The following FAM234B variants were observed in gnomAD, a reference collection of about 807,000 sequenced individuals.
The protein encoded by FAM234B is protein FAM234B.
In FAM234B, 33 loss-of-function variants were observed where a neutral mutation model predicts 69.3. The ratio of observed to expected loss-of-function variants is 0.48; its 90% CI spans 0.36 to 0.64. The LOEUF (loss-of-function observed/expected upper bound fraction) is 0.64, where lower values mean the gene tolerates loss of function less well. FAM234B is among the 30% of genes least tolerant of loss of function. FAM234B has a pLI of 0.00. For synonymous variants in FAM234B, 306 were observed against 306.9 expected (o/e 1.00, Z 0.03); for missense variants, 697 against 769.7 (o/e 0.91, Z 1.12).
In FAM234B at chr12:13,071,469, G is replaced by C; in HGVS notation, c.1524+73G>C. 2.2e-6 allele frequency: 3 copies of C among 1,392,810 alleles called. No homozygotes were observed. The South Asian group carries it at 3.6e-5, about 17-fold the overall frequency. 86.3% of individuals were successfully genotyped at this position (1,392,810 alleles called of 1,614,324 possible). A position where few individuals can be genotyped will look rare whatever the true frequency, so the allele number is the denominator to read the frequency against. On this transcript the variant is annotated intron_variant, in intron 10 of 12. Transcript: ENST00000197268. ...TGCTGTGCAGGGCTGACTGTGTTCT[G>C]GAGATGTTATTTGACCCATCACTTT...
Position 13,080,649 on chromosome 12 carries a change from T to A in FAM234B, c.*19T>A. On this transcript the variant is annotated 3_prime_UTR_variant, in exon 13 of 13. Transcript: ENST00000197268. ...GATCTAATCTGATGGAATCTTCAGT[T>A]GCAGAAGAAGTGAACAGAGTGGATA... is the stretch of plus-strand genomic sequence containing the variant. The A allele has an allele frequency of 6.2e-7, 1 of 1,601,144 alleles. No homozygotes were observed. Among genetic ancestry groups the A allele is most frequent in the Non-Finnish European group, 8.6e-7 (1 of 1,168,228 alleles).
In FAM234B at chr12:13,068,695, G is replaced by T; in HGVS notation, c.1352G>T (p.Gly451Val). The change falls in exon 9 of 13, where the codon GGA (glycine) becomes GTA (valine). Residue 451 changes from glycine to valine, a missense_variant. Coordinates refer to ENST00000197268, the MANE Select transcript of FAM234B (RefSeq NM_020853.2). ...TLDFLLQIQD[G>V]VGMKKMMVVD... is the part of the protein sequence containing the mutation. Reference sequence around the variant, plus strand: ...GATTTCCTTCTGCAGATACAGGATGGAGTTGGGATGAAAAAGGTAAAACTT... The same window carrying T: ...GATTTCCTTCTGCAGATACAGGATGTAGTTGGGATGAAAAAGGTAAAACTT... The T allele has an allele frequency of 6.2e-7, 1 of 1,609,886 alleles. No homozygotes were observed. Among genetic ancestry groups the T allele is most frequent in the South Asian group, 1.1e-5 (1 of 90,906 alleles).
intron 5 of FAM234B, among the ~76,000 whole-genome samples, chr12:13,063,944 C>A (rs1865010838): frequency 6.6e-6 from 1 of 152,122 alleles, no homozygotes; most frequent in Non-Finnish European, 1.5e-5. Context: ...CTGTTGTGAT[C>A]TTTGTATTGC....
At position 13,055,568 on chromosome 12, in the gene FAM234B, C is replaced by T. The variant is rs555832380; in HGVS notation, c.55C>T (p.Leu19=). The T allele has an allele frequency of 2.1e-5, 33 of 1,605,836 alleles. 1 individual carries two copies. The South Asian group carries it at 3.5e-4, about 17-fold the overall frequency. ...ATTTTCAGGGAAGAAGAGCCCAGAC[C>T]TAGGGGAGTATGATCCACTTACCCA... ...LKLPGKKSPD[L]GEYDPLTQAD... The change falls in exon 2 of 13, where the codon CTA becomes TTA. Residue 19 remains leucine (L), a synonymous_variant. Transcript: ENST00000197268.
At chr12:13,072,167 G>A (rs147343646) in intron 10 of FAM234B, among the ~76,000 whole-genome samples, 2 of 152,280 alleles carry the variant, frequency 1.3e-5, no homozygotes, top group African/African-American at 2.4e-5. Flanking sequence ...GGAACCTGAC[G>A]GAGGCAGGAT....
At chr12:13,064,971 A>G (rs1397772450) in intron 5 of FAM234B, among the ~76,000 whole-genome samples, 2 of 152,108 alleles carry the variant, frequency 1.3e-5, no homozygotes, top group Non-Finnish European at 2.9e-5. Flanking sequence ...GACCTTGAAG[A>G]CCATTTGGTT....
rs1221307545 is a variant in FAM234B, at chr12:13,077,951, G to C, written c.1642+1808G>C. 2.0e-5 allele frequency among the ~76,000 whole-genome samples: 3 copies of C among 151,642 alleles called. No homozygotes were observed. The East Asian group carries it at 5.8e-4, about 29-fold the overall frequency. On this transcript the variant is annotated intron_variant, in intron 11 of 12. Coordinates refer to ENST00000197268, the MANE Select transcript of FAM234B (RefSeq NM_020853.2). ...ACCTGTTGTTTCCTGACTTTTTAAT[G>C]ATTGCCATTCTAACTGGTGTGAGAT...
intron 1 of FAM234B, among the ~76,000 whole-genome samples, chr12:13,054,028 G>C (rs1246505683): frequency 6.6e-6 from 1 of 152,122 alleles, no homozygotes; most frequent in Non-Finnish European, 1.5e-5. Context: ...CAGACCTTAT[G>C]GTTATCTTCC....
intron 3 of FAM234B, among the ~76,000 whole-genome samples, chr12:13,061,217 G>A (rs922675436): frequency 2.0e-5 from 3 of 152,102 alleles, no homozygotes; most frequent in Admixed American, 2.0e-4. Context: ...GCAAACAGTC[G>A]GTTGCTGTAG....
At chr12:13,061,433 A>G in intron 3 of FAM234B, 142 bp from the exon 4 acceptor site, 3 of 634,360 alleles carry the variant, frequency 4.7e-6, no homozygotes, top group East Asian at 5.5e-5. Flanking sequence ...TCTTGCTGCC[A>G]GAAGTGTGAG....
In FAM234B at chr12:13,062,891, C is replaced by T. The variant is rs1181807996; in HGVS notation, c.768C>T (p.Thr256=). 2.6e-5 allele frequency: 42 copies of T among 1,613,982 alleles called. No homozygotes were observed. Among genetic ancestry groups the T allele is most frequent in the Non-Finnish European group, 3.5e-5 (41 of 1,179,956 alleles). The change falls in exon 5 of 13, where the codon ACC becomes ACT. Residue 256 remains threonine (T), a synonymous_variant. Coordinates refer to ENST00000197268, the MANE Select transcript of FAM234B (RefSeq NM_020853.2). ...TLNPNYLSNG[T]LAAPVVVLPD... is the part of the protein sequence containing the mutation. ...ACCCAAACTACTTGTCCAACGGTAC[C>T]TTGGCTGCCCCAGTTGTGGTACTGC...
chr12:13,061,913 A>C (rs1238734148), intron 4 of FAM234B, 150 bp downstream of exon 4: 1 of 698,630 alleles, frequency 1.4e-6, no homozygotes, highest in East Asian at 2.7e-5. Flanking sequence ...AAATGAGAGA[A>C]AAGGTTTGGG....
intron 1 of FAM234B, among the ~76,000 whole-genome samples, chr12:13,048,029 T>G (rs1228929945): frequency 6.6e-6 from 1 of 152,194 alleles, no homozygotes; most frequent in East Asian, 1.9e-4. Context: ...AAAAAAAAAT[T>G]AGTATAAAAG....
At chr12:13,073,741 G>A (rs141298407) in intron 10 of FAM234B, among the ~76,000 whole-genome samples, 5 of 152,282 alleles carry the variant, frequency 3.3e-5, no homozygotes, top group East Asian at 1.9e-4. Flanking sequence ...CCAGAATTAC[G>A]TAAACTGAAC....
Position 13,082,028 on chromosome 12 carries a change from G to A in FAM234B, c.*1398G>A, listed in dbSNP as rs1294449286. 2.7e-5 allele frequency: 4 copies of A among 146,392 alleles called. No homozygotes were observed. The highest frequency in any genetic ancestry group is 5.1e-5 in the African/African-American group (2 of 39,352). 9.1% of individuals were successfully genotyped at this position (146,392 alleles called of 1,614,324 possible). ...GGCTGGAGTGCAGTGGCACAATCTC[G>A]GCTCACTGCAACCTTCGCCTCCTGG... On this transcript the variant is annotated 3_prime_UTR_variant, in exon 13 of 13. Transcript: ENST00000197268.
In FAM234B at chr12:13,075,437, T is replaced by TC. The variant is rs543714824; in HGVS notation, c.1525-589_1525-588insC. Among the ~76,000 whole-genome samples, 514 of 149,394 alleles carry TC rather than the reference T, an allele frequency of 3.4e-3. 2 individuals carry two copies. Among genetic ancestry groups the TC allele is most frequent in the African/African-American group, 0.012 (493 of 40,570 alleles). Reference sequence around the variant, plus strand: ...CATTGCCTTTTCTTTTCTTTTCTTTTTTTTTTTTTTTATTTTTTGAGACAG... The same window carrying TC: ...CATTGCCTTTTCTTTTCTTTTCTTTTCTTTTTTTTTTTATTTTTTGAGACAG... On this transcript the variant is annotated intron_variant, in intron 10 of 12. Transcript: ENST00000197268.
At chr12:13,063,418 T>C (rs1565509490) in intron 5 of FAM234B, among the ~76,000 whole-genome samples, 1 of 152,258 alleles carries the variant, frequency 6.6e-6, no homozygotes, top group Non-Finnish European at 1.5e-5. Context: ...AGTTTTACTG[T>C]ATTATATATA....
intron 9 of FAM234B, among the ~76,000 whole-genome samples, chr12:13,069,240 T>C (rs1387740603): frequency 6.6e-6 from 1 of 152,238 alleles, no homozygotes; most frequent in Non-Finnish European, 1.5e-5. Context: ...ATCTTTGATA[T>C]TGCATGAAGT....
chr12:13,078,036 T>C lies in FAM234B; in HGVS notation c.1643-1753T>C, dbSNP rs866586066. Among the ~76,000 whole-genome samples the C allele has an allele frequency of 2.2e-4, 33 of 151,362 alleles. No individual in the cohort carries two copies. The Middle Eastern group carries it at 0.014, about 62-fold the overall frequency. On this transcript the variant is annotated intron_variant, in intron 11 of 12. Coordinates refer to ENST00000197268, the MANE Select transcript of FAM234B (RefSeq NM_020853.2). ...GATGGCCAGTGATGGTGAGCATTTT[T>C]TCATGTGTTTTTTGGCTGCATAAAT...
Sources: gnomAD v4.1 joint callset for allele counts (sites outside exome capture counted in the v4.1 genomes callset) on GRCh38, gnomAD v4.1.1 for gene constraint, MANE v1.5 for transcripts, NCBI Gene and HGNC (gene_info 2026-07-23, HGNC 2026-07-21) for gene names.